The following RBP7 variants were observed in gnomAD, a reference collection of about 807,000 sequenced individuals.
RBP7 encodes the protein retinoid-binding protein 7.
A neutral mutation model predicts 16.7 loss-of-function variants in RBP7; 13 were observed. The observed-to-expected ratio is 0.78, with a 90% CI of 0.51 to 1.24. The LOEUF (loss-of-function observed/expected upper bound fraction) is 1.24, where lower values mean the gene tolerates loss of function less well. Among genes scored for constraint, RBP7 ranks in the 50% most tolerant of loss-of-function variants. RBP7 has a pLI of 0.00. For synonymous variants in RBP7, 54 were observed against 56.2 expected, an observed-to-expected ratio of 0.96 and a Z score of 0.17; for missense variants, 145 against 159.5, an observed-to-expected ratio of 0.91 and a Z score of 0.49.
At chr1:10,003,192 T>C (rs200606150) in intron 1 of RBP7, among the ~76,000 whole-genome samples, 12 of 152,074 alleles carry the variant, frequency 7.9e-5, no homozygotes, top group Admixed American at 2.6e-4. Flanking sequence ...TTTGGGAGGC[T>C]GAGGTGGGTG....
intron 1 of RBP7, among the ~76,000 whole-genome samples, chr1:10,000,546 T>G (rs904139616): frequency 6.6e-6 from 1 of 150,552 alleles, no homozygotes; most frequent in Non-Finnish European, 1.5e-5. Flanking sequence ...AAAAAATAAG[T>G]CAATAAGACA....
At chr1:10,010,880 G>A (rs553326423) in intron 3 of RBP7, among the ~76,000 whole-genome samples, 3 of 151,676 alleles carry the variant, frequency 2.0e-5, no homozygotes, top group Non-Finnish European at 4.4e-5. Context: ...CAGCATGCCC[G>A]GCCATGCCCA....
intron 1 of RBP7, among the ~76,000 whole-genome samples, chr1:9,998,667 C>T (rs1471350618): frequency 1.3e-5 from 2 of 152,058 alleles, no homozygotes; most frequent in African/African-American, 4.8e-5. Flanking sequence ...CTTGGCCTCC[C>T]AAAGTGCTGG....
chr1:10,002,066 G>C (rs895619730), intron 1 of RBP7, among the ~76,000 whole-genome samples: 1 of 152,076 alleles, frequency 6.6e-6, no homozygotes, highest in Admixed American at 6.6e-5. Flanking sequence ...GAGCTCAGGT[G>C]ACCTGCCTGC....
chr1:10,001,205 A>C (rs1642270411), intron 1 of RBP7, among the ~76,000 whole-genome samples: 1 of 152,132 alleles, frequency 6.6e-6, no homozygotes, highest in African/African-American at 2.4e-5. Flanking sequence ...GTGTTCAGGA[A>C]CTGATCCTGC....
intron 1 of RBP7, 88 bp from the exon 2 acceptor site, chr1:10,007,482 A>G (rs1486043158): frequency 1.1e-6 from 1 of 922,536 alleles, no homozygotes; most frequent in Non-Finnish European, 1.6e-6. Flanking sequence ...GCTAACAATT[A>G]CATGTGGTGA....
intron 1 of RBP7, among the ~76,000 whole-genome samples, chr1:10,003,429 A>G (rs967029572): frequency 5.3e-5 from 8 of 152,144 alleles, no homozygotes; most frequent in African/African-American, 1.7e-4. Flanking sequence ...ACTCTGTCTG[A>G]ATAAACAAAC....
At chr1:9,998,688 G>A (rs1642216315) in intron 1 of RBP7, among the ~76,000 whole-genome samples, 1 of 152,084 alleles carries the variant, frequency 6.6e-6, no homozygotes, top group Admixed American at 6.6e-5. Flanking sequence ...GATTACAGGC[G>A]TGAGGCACCG....
At chr1:10,007,455 G>A in intron 1 of RBP7, 115 bp from the exon 2 acceptor site, 1 of 780,458 alleles carries the variant, frequency 1.3e-6, no homozygotes, top group Non-Finnish European at 2.0e-6. Flanking sequence ...AAACAACATA[G>A]AAGTCGTACA....
chr1:9,998,365 G>A (rs978048689), intron 1 of RBP7, among the ~76,000 whole-genome samples: 1 of 150,100 alleles, frequency 6.7e-6, no homozygotes, highest in African/African-American at 2.4e-5. Flanking sequence ...CCCTTGACCC[G>A]TGGGCAATTT....
chr1:10,009,361 G>A (rs928299292), intron 3 of RBP7, among the ~76,000 whole-genome samples: 3 of 151,882 alleles, frequency 2.0e-5, no homozygotes, highest in Non-Finnish European at 4.4e-5. Flanking sequence ...AGTGAGCCAA[G>A]ATCGCACCAC....
chr1:10,014,293 T>C (rs987269472), intron 3 of RBP7, among the ~76,000 whole-genome samples: 2 of 152,150 alleles, frequency 1.3e-5, no homozygotes, highest in Non-Finnish European at 2.9e-5. Flanking sequence ...GGTGAATACA[T>C]TGAGGTGCTG....
intron 1 of RBP7, among the ~76,000 whole-genome samples, chr1:10,005,623 G>A (rs1047893769): frequency 1.3e-5 from 2 of 150,946 alleles, no homozygotes; most frequent in African/African-American, 2.4e-5. Context: ...GAGTGCAGTC[G>A]CACGATCTCG....
intron 3 of RBP7, among the ~76,000 whole-genome samples, chr1:10,011,188 G>T (rs530292935): frequency 2.0e-5 from 3 of 151,608 alleles, no homozygotes; most frequent in South Asian, 4.2e-4. Flanking sequence ...CCTCATTCTT[G>T]CTGTCATCTT....
chr1:10,003,147 C>A (rs1232383573), intron 1 of RBP7, among the ~76,000 whole-genome samples: 1 of 152,198 alleles, frequency 6.6e-6, no homozygotes, highest in African/African-American at 2.4e-5. Context: ...CACCCGTTAG[C>A]CGGGCATGGT....
At chr1:10,005,369 GTTTTTATT>G (rs1278659217) in intron 1 of RBP7, among the ~76,000 whole-genome samples, 1 of 151,584 alleles carries the variant, frequency 6.6e-6, no homozygotes, top group Non-Finnish European at 1.5e-5. Flanking sequence ...AGCCTCAGCT[GTTTTTATT>G]TTTTTATAGA....
At chr1:10,014,211 G>A (rs1461542441) in intron 3 of RBP7, among the ~76,000 whole-genome samples, 2 of 151,954 alleles carry the variant, frequency 1.3e-5, no homozygotes, top group Admixed American at 1.3e-4. Context: ...CCTATGTGCT[G>A]AAACATCCAC....
intron 3 of RBP7, among the ~76,000 whole-genome samples, chr1:10,015,167 C>T (rs887596885): frequency 1.3e-5 from 2 of 151,892 alleles, no homozygotes; most frequent in Non-Finnish European, 2.9e-5. Flanking sequence ...AGGGGTCAGG[C>T]GCAGTAGCTC....
At chr1:10,002,745 C>T (rs1049163422) in intron 1 of RBP7, among the ~76,000 whole-genome samples, 1 of 152,164 alleles carries the variant, frequency 6.6e-6, no homozygotes, top group Non-Finnish European at 1.5e-5. Context: ...CTCAAGTGAT[C>T]TGCCTGCCTC....
Sources: gnomAD v4.1 joint callset for allele counts (sites outside exome capture counted in the v4.1 genomes callset) on GRCh38, gnomAD v4.1.1 for gene constraint, MANE v1.5 for transcripts, NCBI Gene and HGNC (gene_info 2026-07-23, HGNC 2026-07-21) for gene names.